Variants in ATXN7L1 observed in about 807,000 individuals in gnomAD.
The protein encoded by ATXN7L1 is ataxin-7-like protein 1.
Under a neutral mutation model 70.8 loss-of-function variants are expected in ATXN7L1, and 15 were observed. That is an observed-to-expected ratio of 0.21 (90% CI 0.14 to 0.33). ATXN7L1 has a LOEUF of 0.33. Among genes scored for constraint, ATXN7L1 ranks in the 10% least tolerant of loss-of-function variants. The probability of loss-of-function intolerance (pLI) is 1.00; values close to 1 mark genes in which losing one functional copy is unlikely to be tolerated. For missense variants in ATXN7L1, 975 were observed against 1,097.1 expected (o/e 0.89, Z 1.57); for synonymous variants, 440 against 445.1 (o/e 0.99, Z 0.14).
At chr7:105,745,909 A>G (rs2116372852) in intron 3 of ATXN7L1, among the ~76,000 whole-genome samples, 1 of 152,226 alleles carries the variant, frequency 6.6e-6, no homozygotes, top group African/African-American at 2.4e-5. Context: ...CCTATATCCA[A>G]CTGCCAGTTC....
rs535577795 is a variant in ATXN7L1, at chr7:105,609,128, T to C, written c.2548-1238A>G. ...GTGGCTGCAGCTCATCAGAGGCTTT[T>C]GAGAGAGTGCTGATGGACAGACACC... On this transcript the variant is annotated intron_variant, in intron 11 of 11. Transcript: ENST00000419735. Among the ~76,000 whole-genome samples the C allele has an allele frequency of 8.5e-5, 13 of 152,254 alleles. No homozygotes were observed. In the South Asian group the frequency reaches 2.1e-3, roughly 24 times the overall value.
intron 3 of ATXN7L1, among the ~76,000 whole-genome samples, chr7:105,742,417 C>G (rs1237792909): frequency 1.3e-5 from 2 of 152,194 alleles, no homozygotes; most frequent in Non-Finnish European, 2.9e-5. Context: ...GAGGCATTTG[C>G]CTTTTGTACA....
chr7:105,849,971 T>C (rs1460005261), intron 2 of ATXN7L1, among the ~76,000 whole-genome samples: 2 of 152,248 alleles, frequency 1.3e-5, no homozygotes, highest in African/African-American at 4.8e-5. Flanking sequence ...TTTGCCCTAC[T>C]GTATTTTATT....
At chr7:105,615,967 C>T (rs190370364) in intron 9 of ATXN7L1, among the ~76,000 whole-genome samples, 38 of 152,270 alleles carry the variant, frequency 2.5e-4, no homozygotes, top group African/African-American at 7.9e-4. Context: ...CTCTGGGGAC[C>T]GGGAGGAGGC....
intron 2 of ATXN7L1, 149 bp from the exon 3 acceptor site, chr7:105,788,857 C>T (rs559660691): frequency 4.6e-6 from 3 of 650,370 alleles, no homozygotes; most frequent in South Asian, 1.8e-5. Context: ...CTCGGTTTGT[C>T]ATAAGGCAAC....
chr7:105,692,415 T>TTCCTTCCCTCCCTCCCTCCC (rs1563009788), intron 3 of ATXN7L1, among the ~76,000 whole-genome samples: 14 of 134,764 alleles, frequency 1.0e-4, no homozygotes, highest in Non-Finnish European at 2.2e-4. Flanking sequence ...CCTTCCTTCC[T>TTCCTTCCCTCCCTCCCTCCC]TCCTTCCTTC....
chr7:105,875,884 C>T lies in ATXN7L1; in HGVS notation c.182-4G>A. On this transcript the variant is annotated splice_region_variant and splice_polypyrimidine_tract_variant and intron_variant, in intron 1 of 11. Coordinates refer to ENST00000419735, the MANE Select transcript of ATXN7L1 (RefSeq NM_020725.2). ...CCAGCCTCTTCTAAATCTACATCTGCAGATGAAAAAGAAAAGGAAAACAGA... is the reference window on the plus strand; with the variant it reads ...CCAGCCTCTTCTAAATCTACATCTGTAGATGAAAAAGAAAAGGAAAACAGA... 1 of 1,609,928 alleles carries T rather than the reference C, an allele frequency of 6.2e-7. No individual in the cohort carries two copies. The highest frequency in any genetic ancestry group is 8.5e-7 in the Non-Finnish European group (1 of 1,178,646).
chr7:105,731,748 AAAAAGAAAAG>A lies in ATXN7L1; in HGVS notation c.355+56846_355+56855del, dbSNP rs534062694. 4.3e-3 allele frequency among the ~76,000 whole-genome samples: 465 copies of A among 106,972 alleles called. 1 individual carries two copies. The highest frequency in any genetic ancestry group is 0.012 in the Middle Eastern group (3 of 246). 70.2% of individuals were successfully genotyped at this position (106,972 alleles called of 152,430 possible). A position where few individuals can be genotyped will look rare whatever the true frequency, so the allele number is the denominator to read the frequency against. ...CTGCACCTGGGCTTTCTTACTCCTT[AAAAAGAAAAG>A]AAAAGAAAAGAAAAGAAAAGAAAAG... On this transcript the variant is annotated intron_variant, in intron 3 of 11. Coordinates refer to ENST00000419735, the MANE Select transcript of ATXN7L1 (RefSeq NM_020725.2).
intron 7 of ATXN7L1, among the ~76,000 whole-genome samples, chr7:105,636,873 T>C (rs770069280): frequency 3.4e-4 from 52 of 152,064 alleles, no homozygotes; most frequent in Non-Finnish European, 4.3e-4. Context: ...CAGGTACCCA[T>C]AATAAGGTTG....
intron 2 of ATXN7L1, among the ~76,000 whole-genome samples, chr7:105,813,464 A>T (rs1430414188): frequency 6.6e-6 from 1 of 150,838 alleles, no homozygotes; most frequent in Non-Finnish European, 1.5e-5. Flanking sequence ...CAGCCTCCCT[A>T]GTAGCTGGGA....
Position 105,605,593 on chromosome 7 carries a change from C to A in ATXN7L1, c.*2259G>T, listed in dbSNP as rs1220706592. 1.3e-5 allele frequency: 2 copies of A among 151,892 alleles called. No homozygotes were observed. 9.4% of individuals were successfully genotyped at this position (151,892 alleles called of 1,614,324 possible). ...TGAGACATTATTTCTCAGAAGCAGC[C>A]ACTTAATCTCTCAACCTTTGTTTTC... On this transcript the variant is annotated 3_prime_UTR_variant, in exon 12 of 12. Transcript: ENST00000419735.
chr7:105,782,302 C>A (rs1210130219), intron 3 of ATXN7L1, among the ~76,000 whole-genome samples: 3 of 152,194 alleles, frequency 2.0e-5, no homozygotes, highest in Non-Finnish European at 4.4e-5. Context: ...TTCTGTTTCC[C>A]CCTTTCTACA....
intron 2 of ATXN7L1, among the ~76,000 whole-genome samples, chr7:105,853,051 G>C (rs1314779427): frequency 6.6e-6 from 1 of 152,080 alleles, no homozygotes; most frequent in Non-Finnish European, 1.5e-5. Context: ...ACGTAGAACA[G>C]GTACCAAGGC....
At chr7:105,727,509 CAATACAA>C (rs1206056049) in intron 3 of ATXN7L1, among the ~76,000 whole-genome samples, 2 of 150,788 alleles carry the variant, frequency 1.3e-5, no homozygotes, top group African/African-American at 4.9e-5. Context: ...CGTCTACTAA[CAATACAA>C]AATTTAGCCA....
intron 3 of ATXN7L1, among the ~76,000 whole-genome samples, chr7:105,786,781 C>T (rs913133359): frequency 6.6e-6 from 1 of 152,064 alleles, no homozygotes; most frequent in African/African-American, 2.4e-5. Context: ...TCCTAAAGTG[C>T]TCGGATTATA....
chr7:105,818,368 G>C (rs1177936885), intron 2 of ATXN7L1, among the ~76,000 whole-genome samples: 1 of 152,104 alleles, frequency 6.6e-6, no homozygotes. Flanking sequence ...ATGGGGTTTT[G>C]CCATGCTGGC....
At chr7:105,748,617 G>C (rs1486272489) in intron 3 of ATXN7L1, among the ~76,000 whole-genome samples, 1 of 152,148 alleles carries the variant, frequency 6.6e-6, no homozygotes, top group Admixed American at 6.5e-5. Context: ...GGTTACCTGG[G>C]CCTGGGTATG....
chr7:105,663,405 A>G (rs960646864), intron 4 of ATXN7L1, among the ~76,000 whole-genome samples: 7 of 152,244 alleles, frequency 4.6e-5, no homozygotes, highest in Admixed American at 3.3e-4. Context: ...CTAAGTTATC[A>G]TAATTTCCAG....
intron 5 of ATXN7L1, among the ~76,000 whole-genome samples, chr7:105,641,983 T>C (rs1165719604): frequency 6.6e-6 from 1 of 152,244 alleles, no homozygotes; most frequent in Non-Finnish European, 1.5e-5. Context: ...ACAGTTTCTC[T>C]GTCACAGGGT....
Sources: gnomAD v4.1 joint callset for allele counts (sites outside exome capture counted in the v4.1 genomes callset) on GRCh38, gnomAD v4.1.1 for gene constraint, MANE v1.5 for transcripts, NCBI Gene and HGNC (gene_info 2026-07-23, HGNC 2026-07-21) for gene names.